Variants in CDKN2C observed in about 807,000 individuals in gnomAD.
CDKN2C encodes cyclin dependent kinase inhibitor 2C.
A neutral mutation model predicts 11.0 loss-of-function variants in CDKN2C; 5 were observed. That is an observed-to-expected ratio of 0.45 (90% confidence interval 0.24 to 0.95). The LOEUF (loss-of-function observed/expected upper bound fraction) is 0.95, where lower values mean the gene tolerates loss of function less well. Among genes scored for constraint, CDKN2C ranks in the 40% least tolerant of loss-of-function variants. CDKN2C has a pLI of 0.21. For missense variants in CDKN2C, 161 were observed against 211.9 expected (o/e 0.76, Z 1.49); for synonymous variants, 79 against 88.3 (o/e 0.89, Z 0.59).
chr1:50,969,780 C>G (rs1293400017), upstream of CDKN2C: 1 of 182,308 alleles, frequency 5.5e-6, no homozygotes, highest in African/African-American at 2.4e-5. This position sits in a 1 kb window ranked among gnomAD's most constrained non-coding sequence, Gnocchi z 6.6. Context: ...CCGCGGCGCT[C>G]TCCCAGCAGC....
rs1174036355 is a variant in CDKN2C, at chr1:50,974,291, C to T, written c.*21C>T. On this transcript the variant is annotated 3_prime_UTR_variant, in exon 2 of 2. Coordinates refer to ENST00000371761, the MANE Select transcript of CDKN2C (RefSeq NM_078626.3). ...AATAAACGTGGGGAGGGCTCCCCCA[C>T]GTTGCCTCTACTTTATCAATTAACT... 5 of 1,528,490 alleles carry T rather than the reference C, an allele frequency of 3.3e-6. No individual in the cohort carries two copies. The highest frequency in any genetic ancestry group is 1.3e-5 in the South Asian group (1 of 76,600). The allele number at this position is 1,528,490 out of a possible 1,614,324, so 94.7% of individuals were successfully genotyped here.
chr1:50,961,871 G>A (rs1168582031), intron 1 of CDKN2C, among the ~76,000 whole-genome samples: 3 of 152,210 alleles, frequency 2.0e-5, no homozygotes, highest in Non-Finnish European at 4.4e-5. Context: ...ATATATTCAT[G>A]AGAAATCAGA....
At chr1:50,972,195 T>C (rs1237774389) in intron 1 of CDKN2C, among the ~76,000 whole-genome samples, 1 of 152,126 alleles carries the variant, frequency 6.6e-6, no homozygotes, top group Admixed American at 6.5e-5. Flanking sequence ...CTTATTTTTC[T>C]CATTCCAGGT....
chr1:50,967,686 A>G (rs747239058), upstream of CDKN2C, among the ~76,000 whole-genome samples: 3 of 152,226 alleles, frequency 2.0e-5, no homozygotes, highest in Non-Finnish European at 4.4e-5. Flanking sequence ...GCAATAGTTA[A>G]TTAATCTCAC....
At position 50,970,416 on chromosome 1, in the gene CDKN2C, G is replaced by C; in HGVS notation, c.48G>C (p.Gly16=). 1 of 1,614,094 alleles carries C rather than the reference G, an allele frequency of 6.2e-7. No individual in the cohort carries two copies. Among genetic ancestry groups the C allele is most frequent in the South Asian group, 1.1e-5 (1 of 91,064 alleles). ...AGTTGGCGTCCGCAGCTGCCAGGGGGGACCTAGAGCAACTTACTAGTTTGT... is the reference window on the plus strand; with the variant it reads ...AGTTGGCGTCCGCAGCTGCCAGGGGCGACCTAGAGCAACTTACTAGTTTGT... ...GNELASAAAR[G]DLEQLTSLLQ... The change falls in exon 1 of 2, where the codon GGG becomes GGC. Residue 16 remains glycine (G), a synonymous_variant. Coordinates refer to ENST00000371761, the MANE Select transcript of CDKN2C (RefSeq NM_078626.3).
upstream of CDKN2C, chr1:50,968,265 G>C (rs1423870141): frequency 2.0e-5 from 3 of 152,370 alleles, no homozygotes; most frequent in African/African-American, 4.8e-5. Flanking sequence ...ACAGAGGCGG[G>C]CCGACCTGCC....
chr1:50,974,633 GACA>G (rs201244279), exon 2 of CDKN2C: 1,326 of 252,220 alleles, frequency 5.3e-3, 10 homozygotes, highest in Non-Finnish European at 7.6e-3. Flanking sequence ...TTCAAAACAG[GACA>G]ACATTTTTCT....
intron 1 of CDKN2C, among the ~76,000 whole-genome samples, chr1:50,963,481 A>C (rs1645334920): frequency 6.6e-6 from 1 of 152,264 alleles, no homozygotes; most frequent in Non-Finnish European, 1.5e-5. Context: ...TGGCAAGTTA[A>C]GAATTTGCTC....
chr1:50,965,999 A>G (rs949845146), upstream of CDKN2C, among the ~76,000 whole-genome samples: 15 of 152,248 alleles, frequency 9.9e-5, no homozygotes, highest in African/African-American at 3.6e-4. Flanking sequence ...AAAGCACAGA[A>G]TAATTTGACT....
upstream of CDKN2C, chr1:50,970,124 A>T (rs1463354528): frequency 3.6e-6 from 2 of 553,960 alleles, no homozygotes; most frequent in Admixed American, 6.2e-5. Context: ...GGGTTAAGCT[A>T]AAAAAGCGAG....
chr1:50,966,004 T>C (rs184408519), upstream of CDKN2C, among the ~76,000 whole-genome samples: 22 of 152,148 alleles, frequency 1.4e-4, no homozygotes, highest in East Asian at 2.9e-3. Context: ...ACAGAATAAT[T>C]TGACTGAATC....
At chr1:50,962,941 A>G (rs973521164) in intron 1 of CDKN2C, among the ~76,000 whole-genome samples, 2 of 152,246 alleles carry the variant, frequency 1.3e-5, no homozygotes, top group African/African-American at 4.8e-5. Flanking sequence ...GCTCTTTAAC[A>G]AAGGCTCTCT....
At chr1:50,963,795 A>C (rs1351663094) in intron 1 of CDKN2C, among the ~76,000 whole-genome samples, 2 of 152,206 alleles carry the variant, frequency 1.3e-5, no homozygotes, top group African/African-American at 4.8e-5. Flanking sequence ...AAGTGTCATA[A>C]ACCAAAAGAA....
At chr1:50,963,789 G>T (rs142550744) in intron 1 of CDKN2C, among the ~76,000 whole-genome samples, 1 of 152,228 alleles carries the variant, frequency 6.6e-6, no homozygotes, top group African/African-American at 2.4e-5. Flanking sequence ...TCAGTTAAGT[G>T]TCATAAACCA....
At chr1:50,969,619 C>G (rs1041226196), upstream of CDKN2C, 1 of 153,054 alleles carries the variant, frequency 6.5e-6, no homozygotes, top group South Asian at 2.1e-4. The surrounding 1 kb of genome is among the most constrained non-coding windows in gnomAD (Gnocchi z 6.6). Flanking sequence ...TAGCCCACGG[C>G]TTGGCCCGGA....
chr1:50,971,214 T>TAA (rs1645378066), intron 1 of CDKN2C, among the ~76,000 whole-genome samples: 1 of 152,252 alleles, frequency 6.6e-6, no homozygotes, highest in Non-Finnish European at 1.5e-5. Flanking sequence ...TTGTACCTGA[T>TAA]AATTTTTTTC....
upstream of CDKN2C, chr1:50,970,147 T>A (rs1489113383): frequency 5.1e-6 from 3 of 593,716 alleles, no homozygotes; most frequent in Non-Finnish European, 8.9e-6. Context: ...GAGGAGCCCC[T>A]CTCCAATGGC....
chr1:50,970,197 G>C, upstream of CDKN2C: 2 of 741,214 alleles, frequency 2.7e-6, no homozygotes, highest in Non-Finnish European at 4.4e-6. Flanking sequence ...CGAGGGGCGG[G>C]CTTTTGGCAG....
At chr1:50,973,367 C>T (rs1049710334) in intron 1 of CDKN2C, among the ~76,000 whole-genome samples, 6 of 152,174 alleles carry the variant, frequency 3.9e-5, no homozygotes, top group Admixed American at 2.6e-4. Flanking sequence ...CATTTTTACA[C>T]TCACTCATGG....
Sources: allele counts gnomAD v4.1 joint callset (sites outside exome capture counted in the v4.1 genomes callset), GRCh38; gene constraint gnomAD v4.1.1; non-coding constraint Gnocchi (gnomAD v3.1); transcripts MANE v1.5; gene names NCBI Gene and HGNC (gene_info 2026-07-23, HGNC 2026-07-21).